The following PATJ variants were observed in gnomAD, a reference collection of about 807,000 sequenced individuals.
PATJ encodes the protein inaD-like protein.
PATJ carries 190 observed loss-of-function variants against 224.9 expected under a neutral mutation model. That is an observed-to-expected ratio of 0.84 (90% CI 0.75 to 0.95). The LOEUF (loss-of-function observed/expected upper bound fraction) is 0.95. Among genes scored for constraint, PATJ ranks in the 40% least tolerant of loss-of-function variants. The pLI, the probability that PATJ is intolerant of heterozygous loss-of-function variation, is 0.00. For synonymous variants in PATJ, 769 were observed against 820.3 expected, an observed-to-expected ratio of 0.94 and a Z score of 1.07; for missense variants, 2,121 against 2,270.3, an observed-to-expected ratio of 0.93 and a Z score of 1.34.
At chr1:61,759,192 TG>T (rs1265892277) in intron 1 of PATJ, among the ~76,000 whole-genome samples, 1 of 152,062 alleles carries the variant, frequency 6.6e-6, no homozygotes, top group Non-Finnish European at 1.5e-5. Flanking sequence ...TAAAACATGA[TG>T]AGATTTTTTT....
intron 7 of PATJ, among the ~76,000 whole-genome samples, chr1:61,779,604 C>T (rs1225686822): frequency 6.6e-6 from 1 of 152,120 alleles, no homozygotes; most frequent in Non-Finnish European, 1.5e-5. Flanking sequence ...ACTGTTATAC[C>T]ATCATTACCA....
chr1:61,832,582 A>C (rs933126548), intron 16 of PATJ, among the ~76,000 whole-genome samples: 2 of 152,184 alleles, frequency 1.3e-5, no homozygotes, highest in Non-Finnish European at 2.9e-5. Context: ...AAACACACTC[A>C]AAGATAGGTA....
intron 30 of PATJ, 49 bp from the exon 31 acceptor site, chr1:62,050,917 T>C (rs1653485544): frequency 1.5e-6 from 2 of 1,342,188 alleles, no homozygotes; most frequent in Non-Finnish European, 2.1e-6. Context: ...TTCGAGGGAG[T>C]GTAAGTGAAG....
intron 1 of PATJ, among the ~76,000 whole-genome samples, chr1:61,745,974 G>C (rs1393166826): frequency 6.6e-6 from 1 of 151,950 alleles, no homozygotes; most frequent in Non-Finnish European, 1.5e-5. Flanking sequence ...GCCTTACTCT[G>C]TTGCCCAGGC....
intron 41 of PATJ, among the ~76,000 whole-genome samples, chr1:62,144,773 AAAAAAT>A (rs1309297715): frequency 4.6e-5 from 4 of 86,884 alleles, no homozygotes; most frequent in Admixed American, 2.2e-4. Context: ...TTGCAAAAAA[AAAAAAT>A]ATATATATAT....
intron 33 of PATJ, among the ~76,000 whole-genome samples, chr1:62,106,154 GTGTGTATATATATATA>G (rs1156976382): frequency 1.2e-4 from 6 of 48,448 alleles, no homozygotes; most frequent in African/African-American, 5.1e-4. Flanking sequence ...ATGTGTGTGT[GTGTGTATATATATATA>G]TATATATATA....
intron 7 of PATJ, among the ~76,000 whole-genome samples, chr1:61,778,536 C>T (rs528390880): frequency 2.6e-5 from 4 of 152,264 alleles, no homozygotes; most frequent in South Asian, 4.1e-4. Context: ...TAATACCCCT[C>T]CCCTTTCCAA....
At chr1:61,831,709 G>T (rs1659355576) in intron 16 of PATJ, among the ~76,000 whole-genome samples, 1 of 152,208 alleles carries the variant, frequency 6.6e-6, no homozygotes, top group Non-Finnish European at 1.5e-5. Context: ...TGGAGAAAAG[G>T]AAACAATTAG....
chr1:62,096,897 G>A lies in PATJ; in HGVS notation c.4378-11540G>A, dbSNP rs368497449. On this transcript the variant is annotated intron_variant, in intron 33 of 43. Coordinates refer to ENST00000642238, the MANE Select transcript of PATJ (RefSeq NM_001350145.3). ...CTCCCAAAGTGCTGGGATTACAGGC[G>A]TGAGCCACTGCGCCCGGCCCAACAT... Among the ~76,000 whole-genome samples the A allele has an allele frequency of 5.3e-5, 8 of 152,242 alleles. 1 individual carries two copies. Among genetic ancestry groups the A allele is most frequent in the Admixed American group, 2.6e-4 (4 of 15,286 alleles).
At position 62,161,308 on chromosome 1, in the gene PATJ, A is replaced by G. The variant is rs1669813361; in HGVS notation, c.*254A>G. 3.3e-6 allele frequency: 1 copy of G among 300,228 alleles called. No homozygotes were observed. Among genetic ancestry groups the G allele is most frequent in the Admixed American group, 5.4e-5 (1 of 18,488 alleles). The allele number at this position is 300,228 out of a possible 1,614,324, so 18.6% of individuals were successfully genotyped here. ...ACTTAAATGAGTCTACCTGTTTTGC[A>G]TTTAATTTCAGTGTTCCGATTTCTT... On this transcript the variant is annotated 3_prime_UTR_variant, in exon 44 of 44. Coordinates refer to ENST00000642238, the MANE Select transcript of PATJ (RefSeq NM_001350145.3).
intron 26 of PATJ, among the ~76,000 whole-genome samples, chr1:61,923,704 G>A (rs1674669882): frequency 6.6e-6 from 1 of 150,508 alleles, no homozygotes; most frequent in Admixed American, 6.6e-5. Flanking sequence ...GATCACCTGA[G>A]GCCAGGAGTT....
chr1:61,932,917 A>G (rs767338080), intron 27 of PATJ, among the ~76,000 whole-genome samples: 2 of 152,110 alleles, frequency 1.3e-5, no homozygotes, highest in Non-Finnish European at 2.9e-5. Flanking sequence ...AAAAAATAAT[A>G]AGCATAGTAA....
intron 33 of PATJ, among the ~76,000 whole-genome samples, chr1:62,091,235 G>T (rs1660694415): frequency 6.6e-6 from 1 of 152,156 alleles, no homozygotes; most frequent in African/African-American, 2.4e-5. Context: ...AGAGATCCCA[G>T]GCTATAGACA....
chr1:61,753,099 C>T (rs1645422313), intron 1 of PATJ, among the ~76,000 whole-genome samples: 1 of 152,126 alleles, frequency 6.6e-6, no homozygotes, highest in South Asian at 2.1e-4. Context: ...GAGCTTTGTA[C>T]TCCAAAGGAA....
chr1:62,153,749 CAGCA>C (rs1668864059), intron 43 of PATJ, among the ~76,000 whole-genome samples: 1 of 152,100 alleles, frequency 6.6e-6, no homozygotes, highest in Admixed American at 6.6e-5. Flanking sequence ...TTCAGCAACA[CAGCA>C]TAAGGAGCAG....
At chr1:61,757,669 A>G (rs577955744) in intron 1 of PATJ, among the ~76,000 whole-genome samples, 3 of 152,170 alleles carry the variant, frequency 2.0e-5, no homozygotes, top group African/African-American at 7.2e-5. Flanking sequence ...TAGAGGCATG[A>G]GCCACTATGC....
intron 34 of PATJ, among the ~76,000 whole-genome samples, chr1:62,113,029 A>G (rs973876426): frequency 2.0e-5 from 3 of 152,234 alleles, no homozygotes; most frequent in Admixed American, 6.5e-5. Context: ...GAGAGTTAGT[A>G]TAAGGATTAA....
In PATJ at chr1:61,864,374, C is replaced by G. The variant is rs753786861; in HGVS notation, c.2576C>G (p.Pro859Arg). 9.3e-6 allele frequency: 15 copies of G among 1,613,926 alleles called. No homozygotes were observed. The highest frequency in any genetic ancestry group is 1.3e-5 in the Non-Finnish European group (15 of 1,179,954). ...EAWEMHEFLT[P>R]RLQEMDEERE... The stretch of plus-strand genomic sequence containing the variant: ...TGGGAGATGCATGAATTTCTGACTC[C>G]TAGATTGCAGGAAATGGATGAAGAA... Residue 859 changes from proline to arginine, a missense_variant, in exon 20 of 44, where the codon CCT becomes CGT. Transcript: ENST00000642238.
At position 62,114,091 on chromosome 1, in the gene PATJ, AG is replaced by A. The variant is rs1167283437; in HGVS notation, c.4501del (p.Ala1501ProfsTer5). 1.2e-6 allele frequency: 2 copies of A among 1,614,148 alleles called. No individual in the cohort carries two copies. The highest frequency in any genetic ancestry group is 3.3e-5 in the Admixed American group (2 of 60,018). On this transcript the variant is annotated frameshift_variant, in exon 35 of 44. Transcript: ENST00000642238. LOFTEE classifies it high-confidence loss of function. ...VDLRNSSHEE[A>X]ITALRQTPQK... Reference sequence around the variant, plus strand: ...ACCTGAGGAACTCCAGCCACGAAGAAGCCATCACAGCCCTGAGGCAGACCCC... The same window carrying A: ...ACCTGAGGAACTCCAGCCACGAAGAACCATCACAGCCCTGAGGCAGACCCC...
Sources: gnomAD v4.1 joint callset for allele counts (sites outside exome capture counted in the v4.1 genomes callset) on GRCh38, gnomAD v4.1.1 for gene constraint, MANE v1.5 for transcripts, NCBI Gene and HGNC (gene_info 2026-07-23, HGNC 2026-07-21) for gene names.